RELN: variants seen among roughly 807,000 people sequenced by gnomAD.
RELN encodes reelin.
RELN carries 108 observed loss-of-function variants against 427.6 expected under a neutral mutation model. The observed-to-expected ratio is 0.25, with a 90% CI of 0.22 to 0.30. The LOEUF (loss-of-function observed/expected upper bound fraction) is 0.30, where lower values mean the gene tolerates loss of function less well. Among genes scored for constraint, RELN ranks in the 10% least tolerant of loss-of-function variants. The pLI, the probability that RELN is intolerant of heterozygous loss-of-function variation, is 1.00. For missense variants in RELN, 3,715 were observed against 4,302.8 expected, an observed-to-expected ratio of 0.86 and a Z score of 3.82; for synonymous variants, 1,524 against 1,513.4, an observed-to-expected ratio of 1.01 and a Z score of -0.16.
In RELN at chr7:103,682,266, A is replaced by G. The variant is rs1395638450; in HGVS notation, c.1144-5T>C. On this transcript the variant is annotated splice_polypyrimidine_tract_variant and splice_region_variant and intron_variant, in intron 10 of 64. Transcript: ENST00000428762. Reference sequence around the variant, plus strand: ...CCCATCTGACTGACAGCTATGCTGTAGGTGAAAAGAGAGCACGGGGTGGCT... The same window carrying G: ...CCCATCTGACTGACAGCTATGCTGTGGGTGAAAAGAGAGCACGGGGTGGCT... 1.2e-6 allele frequency: 2 copies of G among 1,613,908 alleles called. No individual in the cohort carries two copies. The highest frequency in any genetic ancestry group is 1.7e-5 in the Admixed American group (1 of 60,010).
In RELN at chr7:103,803,367, G is replaced by C. The variant is rs542720870; in HGVS notation, c.474-26740C>G. 2.0e-5 allele frequency among the ~76,000 whole-genome samples: 3 copies of C among 152,048 alleles called. No homozygotes were observed. In the South Asian group the frequency reaches 6.2e-4, roughly 32 times the overall value. On this transcript the variant is annotated intron_variant, in intron 3 of 64. Coordinates refer to ENST00000428762, the MANE Select transcript of RELN (RefSeq NM_005045.4). ...TCTTAATTCATTGACTTTGCTTAAT[G>C]CTTCTTTATATGCTAGATATCTTTA...
At chr7:103,648,395 C>T (rs964862048) in intron 16 of RELN, among the ~76,000 whole-genome samples, 7 of 152,082 alleles carry the variant, frequency 4.6e-5, no homozygotes, top group African/African-American at 1.4e-4. Flanking sequence ...GCTTTCTGTA[C>T]AGCCCATGGA....
At chr7:103,518,802 A>G (rs575862374) in intron 49 of RELN, among the ~76,000 whole-genome samples, 1 of 151,908 alleles carries the variant, frequency 6.6e-6, no homozygotes, top group Non-Finnish European at 1.5e-5. Flanking sequence ...TGACATTTCT[A>G]ATTGGTCATA....
chr7:103,686,917 A>C (rs952826488), intron 10 of RELN, among the ~76,000 whole-genome samples: 21 of 152,174 alleles, frequency 1.4e-4, no homozygotes, highest in African/African-American at 4.8e-4. Flanking sequence ...GGCAGTTAAA[A>C]AACTGAAAAC....
chr7:103,917,696 T>C (rs532939817), intron 1 of RELN, among the ~76,000 whole-genome samples: 2 of 152,198 alleles, frequency 1.3e-5, no homozygotes, highest in Non-Finnish European at 2.9e-5. Context: ...AGCCGACTAA[T>C]TTGCATGAAG....
chr7:103,727,627 T>A (rs1319763491), intron 7 of RELN, among the ~76,000 whole-genome samples: 5 of 152,174 alleles, frequency 3.3e-5, no homozygotes, highest in East Asian at 3.9e-4. Flanking sequence ...TCAAAATTTT[T>A]AAAAAACTGG....
intron 2 of RELN, among the ~76,000 whole-genome samples, chr7:103,849,635 T>C (rs774334634): frequency 2.0e-5 from 3 of 152,176 alleles, no homozygotes; most frequent in Non-Finnish European, 4.4e-5. Context: ...TAGTTGTAAG[T>C]ACATGTCTCT....
At chr7:103,500,425 T>C (rs559068623) in intron 53 of RELN, among the ~76,000 whole-genome samples, 1 of 152,166 alleles carries the variant, frequency 6.6e-6, no homozygotes, top group Admixed American at 6.5e-5. Context: ...AGTGCATCAA[T>C]TGAAAAAGTG....
At chr7:103,785,321 G>A (rs924718692) in intron 3 of RELN, among the ~76,000 whole-genome samples, 2 of 152,052 alleles carry the variant, frequency 1.3e-5, no homozygotes, top group African/African-American at 4.8e-5. Flanking sequence ...GGCAAGGCAA[G>A]AACAAAACTG....
chr7:103,518,614 G>T (rs1380743669), intron 49 of RELN, among the ~76,000 whole-genome samples: 2 of 151,280 alleles, frequency 1.3e-5, no homozygotes, highest in Non-Finnish European at 2.9e-5. Flanking sequence ...GGGATTACAG[G>T]TGTGAGCCAC....
intron 1 of RELN, among the ~76,000 whole-genome samples, chr7:103,965,912 A>G (rs1584406766): frequency 6.6e-6 from 1 of 152,188 alleles, no homozygotes; most frequent in Admixed American, 6.5e-5. Flanking sequence ...TTAACATTTG[A>G]ATTATTCATA....
Position 103,842,399 on chromosome 7 carries a change from C to T in RELN, c.338-8727G>A, listed in dbSNP as rs1350891408. 2.0e-5 allele frequency among the ~76,000 whole-genome samples: 3 copies of T among 152,106 alleles called. No individual in the cohort carries two copies. The South Asian group carries it at 6.2e-4, about 32-fold the overall frequency. Reference sequence around the variant, plus strand: ...TAATTCAAATATGAATAACTGTCTACTTACAGAATTTGGCTTGTCTATTAT... The same window carrying T: ...TAATTCAAATATGAATAACTGTCTATTTACAGAATTTGGCTTGTCTATTAT... On this transcript the variant is annotated intron_variant, in intron 2 of 64. Coordinates refer to ENST00000428762, the MANE Select transcript of RELN (RefSeq NM_005045.4).
At chr7:103,644,872 G>T (rs973605162) in intron 16 of RELN, among the ~76,000 whole-genome samples, 5 of 151,726 alleles carry the variant, frequency 3.3e-5, no homozygotes, top group Admixed American at 1.3e-4. Flanking sequence ...CTTAAGATTA[G>T]CATGGGAAAA....
chr7:103,828,491 G>A (rs1327047967), intron 3 of RELN, among the ~76,000 whole-genome samples: 1 of 151,788 alleles, frequency 6.6e-6, no homozygotes, highest in Non-Finnish European at 1.5e-5. Context: ...TTTCAGTTTT[G>A]AGAAAGTTCA....
intron 2 of RELN, 45 bp downstream of exon 2, chr7:103,917,030 C>A (rs1795496873): frequency 7.6e-7 from 1 of 1,317,628 alleles, no homozygotes; most frequent in Non-Finnish European, 1.1e-6. Context: ...AGACCTATGA[C>A]TGTATAAAAT....
At chr7:103,500,640 G>A in intron 53 of RELN, 105 bp downstream of exon 53, 3 of 1,124,242 alleles carry the variant, frequency 2.7e-6, no homozygotes, top group South Asian at 2.9e-5. Context: ...TTCTTTCCTG[G>A]GGGACCCAAA....
chr7:103,973,962 G>T (rs1796817686), intron 1 of RELN, among the ~76,000 whole-genome samples: 1 of 152,108 alleles, frequency 6.6e-6, no homozygotes, highest in Admixed American at 6.5e-5. Context: ...GGCCAACATG[G>T]TGAAACCCCA....
At chr7:103,835,566 C>G (rs1165684102) in intron 2 of RELN, among the ~76,000 whole-genome samples, 1 of 152,030 alleles carries the variant, frequency 6.6e-6, no homozygotes, top group African/African-American at 2.4e-5. Flanking sequence ...TGTATGGCAA[C>G]TCTGTGCTTT....
chr7:103,858,654 G>C (rs1266001611), intron 2 of RELN, among the ~76,000 whole-genome samples: 2 of 152,116 alleles, frequency 1.3e-5, no homozygotes, highest in African/African-American at 4.8e-5. Context: ...TTTCTGACCT[G>C]CACCAACACT....
Sources: allele counts gnomAD v4.1 joint callset (sites outside exome capture counted in the v4.1 genomes callset), GRCh38; gene constraint gnomAD v4.1.1; transcripts MANE v1.5; gene names NCBI Gene and HGNC (gene_info 2026-07-23, HGNC 2026-07-21).